The following NID1 variants were observed in gnomAD, a reference collection of about 807,000 sequenced individuals.
NID1 encodes the protein nidogen 1.
Under a neutral mutation model 130.6 loss-of-function variants are expected in NID1, and 76 were observed. The ratio of observed to expected loss-of-function variants is 0.58; its 90% CI spans 0.48 to 0.70. The LOEUF is 0.70. Among genes scored for constraint, NID1 ranks in the 30% least tolerant of loss-of-function variants. NID1 has a pLI of 0.00. For synonymous variants in NID1, 665 were observed against 675.1 expected, an observed-to-expected ratio of 0.98 and a Z score of 0.23; for missense variants, 1,517 against 1,664.8, an observed-to-expected ratio of 0.91 and a Z score of 1.54.
chr1:236,044,255 A>G (rs1417891205), intron 3 of NID1, among the ~76,000 whole-genome samples: 1 of 152,172 alleles, frequency 6.6e-6, no homozygotes, highest in Non-Finnish European at 1.5e-5. Flanking sequence ...AGTTTTAGGA[A>G]TTTTGCAAGC....
chr1:235,976,603 CAG>C lies in NID1; in HGVS notation c.*1262_*1263del, dbSNP rs1657261736. 1 of 152,056 alleles carries C rather than the reference CAG, an allele frequency of 6.6e-6. No homozygotes were observed. The highest frequency in any genetic ancestry group is 2.4e-5 in the African/African-American group (1 of 41,386). 9.4% of individuals were successfully genotyped at this position (152,056 alleles called of 1,614,324 possible). A position where few individuals can be genotyped will look rare whatever the true frequency, so the allele number is the denominator to read the frequency against. ...TCTATTGTTTTAGGACTCTGGGAAG[CAG>C]TTGATAAAAAGATAACACGAGCTAC... On this transcript the variant is annotated 3_prime_UTR_variant, in exon 20 of 20. Transcript: ENST00000264187.
At chr1:236,026,284 C>G (rs1658929245) in intron 7 of NID1, 143 bp from the exon 8 acceptor site, 12 of 995,734 alleles carry the variant, frequency 1.2e-5, no homozygotes, top group South Asian at 9.8e-5. Flanking sequence ...CCAGACAGAA[C>G]AGCTTAAATA....
intron 13 of NID1, among the ~76,000 whole-genome samples, chr1:235,993,265 G>C (rs1405736500): frequency 1.3e-5 from 2 of 152,248 alleles, no homozygotes; most frequent in Non-Finnish European, 2.9e-5. Flanking sequence ...CCATGTCCCA[G>C]TGCAGGAACA....
chr1:236,063,153 CAAAAAAAAAA>C (rs57769010), intron 1 of NID1, among the ~76,000 whole-genome samples: 1 of 79,708 alleles, frequency 1.3e-5, no homozygotes. Context: ...GACTTCATCT[CAAAAAAAAAA>C]AAAAAAAAAA....
rs1049755689 is a variant in NID1 at position 236,032,542 on chromosome 1, G to C, written c.1396C>G (p.His466Asp). The change falls in exon 6 of 20, where the codon CAC becomes GAC. Residue 466 changes from histidine to aspartate, a missense_variant. Coordinates refer to ENST00000264187, the MANE Select transcript of NID1 (RefSeq NM_002508.3). ...TDLHSYVVMNHGRSYTAISTI... is the reference protein window; with the variant it reads ...TDLHSYVVMNDGRSYTAISTI... ...CTGATGGCTGTGTAGGAGCGCCCGTGGTTCATTACTACGTAAGAGTGGAGG... is the reference window on the plus strand; with the variant it reads ...CTGATGGCTGTGTAGGAGCGCCCGTCGTTCATTACTACGTAAGAGTGGAGG... 7.4e-6 allele frequency: 12 copies of C among 1,614,006 alleles called. No homozygotes were observed. The Admixed American group carries it at 8.3e-5, about 11-fold the overall frequency.
rs142493269 is a variant in NID1 at position 236,064,864 on chromosome 1, G to A, written c.216C>T (p.Asp72=). 1.9e-6 allele frequency: 3 copies of A among 1,611,522 alleles called. No individual in the cohort carries two copies. Among genetic ancestry groups the A allele is most frequent in the Non-Finnish European group, 2.5e-6 (3 of 1,179,172 alleles). ...CCCGGGGCTCACTCACGTAGACTGC[G>A]TCGATGTCGGATCTGTCGTAGAAGC... is the stretch of plus-strand genomic sequence containing the variant. The part of the protein sequence containing the change: ...ALRFYDRSDI[D]AVYVTTNGII... The change falls in exon 1 of 20, where the codon GAC becomes GAT. Residue 72 remains aspartate (D), a synonymous_variant. Transcript: ENST00000264187.
chr1:236,061,058 C>T (rs1478865481), intron 1 of NID1, among the ~76,000 whole-genome samples: 1 of 152,126 alleles, frequency 6.6e-6, no homozygotes, highest in African/African-American at 2.4e-5. Flanking sequence ...TCAGTGTTAC[C>T]CAAAAGTCAT....
In NID1 at chr1:235,981,685, G is replaced by A. The variant is rs770306673; in HGVS notation, c.3153C>T (p.Asp1051=). 8.9e-5 allele frequency: 144 copies of A among 1,614,222 alleles called. No individual in the cohort carries two copies. The highest frequency in any genetic ancestry group is 1.8e-4 in the Admixed American group (11 of 60,024). The change falls in exon 16 of 20, where the codon GAC becomes GAT. Residue 1051 remains aspartate, a synonymous_variant. Coordinates refer to ENST00000264187, the MANE Select transcript of NID1 (RefSeq NM_002508.3). ...NLDRIEVAKL[D]GTQRRVLFET... ...CAAAGAGCACCCGGCGCTGCGTGCC[G>A]TCCAGCTTCGCCACTTCTATTCGAT...
chr1:236,040,222 C>T (rs1320034226), intron 4 of NID1, among the ~76,000 whole-genome samples: 2 of 152,140 alleles, frequency 1.3e-5, no homozygotes, highest in African/African-American at 2.4e-5. Context: ...CCAAAACCCA[C>T]GGCAGAGTGG....
intron 10 of NID1, among the ~76,000 whole-genome samples, chr1:236,015,421 C>G (rs1398446176): frequency 1.3e-5 from 2 of 151,988 alleles, no homozygotes; most frequent in Non-Finnish European, 2.9e-5. Context: ...CCAAGGCAGG[C>G]AAATCACCTG....
chr1:236,012,174 A>G (rs897095060), intron 11 of NID1, 131 bp from the exon 12 acceptor site: 2 of 1,071,410 alleles, frequency 1.9e-6, no homozygotes, highest in South Asian at 3.1e-5. Flanking sequence ...TCCAAAACTC[A>G]CTAAACATTA....
intron 4 of NID1, among the ~76,000 whole-genome samples, chr1:236,039,741 T>C (rs1307546503): frequency 6.6e-6 from 1 of 152,214 alleles, no homozygotes; most frequent in Non-Finnish European, 1.5e-5. Context: ...AGGTAGACTC[T>C]ATGAGTCCTA....
At chr1:236,009,134 G>A (rs1027641748) in intron 12 of NID1, among the ~76,000 whole-genome samples, 2 of 152,184 alleles carry the variant, frequency 1.3e-5, no homozygotes, top group Non-Finnish European at 2.9e-5. Context: ...AACTCCCAAG[G>A]TGATGGCATT....
chr1:235,985,067 A>C (rs1657534865), intron 15 of NID1, among the ~76,000 whole-genome samples: 1 of 151,860 alleles, frequency 6.6e-6, no homozygotes, highest in South Asian at 2.1e-4. Context: ...GTGGCGGGCG[A>C]CTTTAGTCCC....
rs371957250 is a variant in NID1 at position 236,048,907 on chromosome 1, G to C, written c.308C>G (p.Ala103Gly). 6.2e-7 allele frequency: 1 copy of C among 1,613,936 alleles called. No homozygotes were observed. Among genetic ancestry groups the C allele is most frequent in the African/African-American group, 1.3e-5 (1 of 74,924 alleles). The change falls in exon 2 of 20, where the codon GCA becomes GGA. Residue 103 changes from alanine to glycine, a missense_variant. This residue lies in a region of NID1 where 1,329 missense variants were observed against 1,429.2 expected (regional missense o/e 0.93). Transcript: ENST00000264187. ...HPGLFPPTFG[A>G]VAPFLADLDT... ...CAAGTCCGCCAGGAAAGGGGCGACT[G>C]CACCGAATGTTGGTGGGAAGAGCCC...
At chr1:235,991,654 G>C (rs1341592693) in intron 13 of NID1, among the ~76,000 whole-genome samples, 1 of 151,602 alleles carries the variant, frequency 6.6e-6, no homozygotes, top group Non-Finnish European at 1.5e-5. Context: ...TAATAGAAAA[G>C]CTTTGGCTAC....
At chr1:236,029,398 G>A (rs1659030496) in intron 7 of NID1, 152 bp downstream of exon 7, 3 of 706,658 alleles carry the variant, frequency 4.2e-6, no homozygotes, top group African/African-American at 1.8e-5. Context: ...TGCGTCCTAT[G>A]TCTATAATTG....
intron 19 of NID1, 132 bp downstream of exon 19, chr1:235,978,863 G>A (rs1657348080): frequency 4.7e-6 from 3 of 634,646 alleles, no homozygotes; most frequent in Non-Finnish European, 8.6e-6. Context: ...TGAAGACCCT[G>A]GATGCAAAGG....
At position 236,035,603 on chromosome 1, in the gene NID1, C is replaced by G. The variant is rs192877956; in HGVS notation, c.1285+2501G>C. ...CACAATGGTTGAACTAGTTTACAGT[C>G]CCACCAACAGTGTAAAAGTGTTCCT... On this transcript the variant is annotated intron_variant, in intron 5 of 19. Coordinates refer to ENST00000264187, the MANE Select transcript of NID1 (RefSeq NM_002508.3). Among the ~76,000 whole-genome samples the G allele has an allele frequency of 2.9e-3, 442 of 151,708 alleles. 1 individual carries two copies. The highest frequency in any genetic ancestry group is 5.5e-3 in the Admixed American group (84 of 15,208).
Sources: allele counts gnomAD v4.1 joint callset (sites outside exome capture counted in the v4.1 genomes callset), GRCh38; gene constraint gnomAD v4.1.1; regional missense constraint gnomAD v4.1.1; transcripts MANE v1.5; gene names NCBI Gene and HGNC (gene_info 2026-07-23, HGNC 2026-07-21).